The following ANK2 variants were observed in gnomAD, a reference collection of about 807,000 sequenced individuals.
ANK2 encodes the protein ankyrin-2.
A neutral mutation model predicts 360.5 loss-of-function variants in ANK2; 83 were observed. That is an observed-to-expected ratio of 0.23 (90% CI 0.19 to 0.28). The LOEUF (loss-of-function observed/expected upper bound fraction) is 0.28. Among genes scored for constraint, ANK2 ranks in the 10% least tolerant of loss-of-function variants. The probability of loss-of-function intolerance (pLI) is 1.00; values close to 1 mark genes in which losing one functional copy is unlikely to be tolerated. For missense variants in ANK2, 4,201 were observed against 4,795.7 expected, an observed-to-expected ratio of 0.88 and a Z score of 3.66; for synonymous variants, 1,740 against 1,759.5, an observed-to-expected ratio of 0.99 and a Z score of 0.28.
intron 20 of ANK2, among the ~76,000 whole-genome samples, chr4:113,290,521 C>T (rs1170046506): frequency 3.9e-5 from 6 of 151,914 alleles, no homozygotes; most frequent in African/African-American, 9.7e-5. Flanking sequence ...CAACTTGGGA[C>T]GAACCAGACC....
intron 1 of ANK2, among the ~76,000 whole-genome samples, chr4:112,886,332 C>T (rs761452717): frequency 3.9e-5 from 6 of 151,988 alleles, no homozygotes; most frequent in Non-Finnish European, 7.4e-5. Flanking sequence ...CCAAAAAGGC[C>T]GCACTCCAGA....
intron 1 of ANK2, chr4:112,882,041 A>C (rs2076832588): frequency 2.2e-6 from 1 of 457,780 alleles, no homozygotes; most frequent in Admixed American, 3.0e-5. Flanking sequence ...AGCCTTCTCC[A>C]CTGCTCAGAA....
chr4:113,244,105 C>T (rs1032027164), intron 9 of ANK2, among the ~76,000 whole-genome samples: 4 of 152,134 alleles, frequency 2.6e-5, no homozygotes, highest in African/African-American at 9.7e-5. Flanking sequence ...GAAATGGATT[C>T]TTATACTAGT....
intron 1 of ANK2, among the ~76,000 whole-genome samples, chr4:113,075,538 C>T (rs2079562248): frequency 6.6e-6 from 1 of 152,044 alleles, no homozygotes; most frequent in African/African-American, 2.4e-5. Flanking sequence ...ACACTGGTTT[C>T]GGTGGCATGT....
At chr4:113,210,298 T>C (rs1296089466) in intron 4 of ANK2, among the ~76,000 whole-genome samples, 1 of 152,074 alleles carries the variant, frequency 6.6e-6, no homozygotes, top group Non-Finnish European at 1.5e-5. Context: ...TAGAAGAGGG[T>C]TTATGTTTTA....
At chr4:113,289,071 A>G (rs955404140) in intron 20 of ANK2, among the ~76,000 whole-genome samples, 1 of 152,114 alleles carries the variant, frequency 6.6e-6, no homozygotes, top group Non-Finnish European at 1.5e-5. Flanking sequence ...TACTTCGTGC[A>G]CTCAATGTGG....
chr4:112,848,153 T>G (rs1232797076), intron 1 of ANK2, among the ~76,000 whole-genome samples: 2 of 152,032 alleles, frequency 1.3e-5, no homozygotes, highest in Non-Finnish European at 2.9e-5. Context: ...TGAGACAGAG[T>G]CTCACTCTGT....
intron 4 of ANK2, among the ~76,000 whole-genome samples, chr4:113,216,779 G>A (rs1201834369): frequency 6.6e-6 from 1 of 152,186 alleles, no homozygotes; most frequent in Non-Finnish European, 1.5e-5. Context: ...TTTTAAGTAA[G>A]AGCTTTGAGG....
chr4:113,005,185 C>T (rs181083688), intron 2 of ANK2, among the ~76,000 whole-genome samples: 11 of 151,754 alleles, frequency 7.2e-5, no homozygotes, highest in Admixed American at 2.0e-4. Flanking sequence ...GCTTGCATTT[C>T]TCAAAAACCT....
intron 1 of ANK2, among the ~76,000 whole-genome samples, chr4:112,850,660 G>A (rs2064733292): frequency 6.6e-6 from 1 of 150,768 alleles, no homozygotes; most frequent in East Asian, 2.0e-4. Context: ...GGGACTACAG[G>A]TGCCCACCAC....
chr4:113,292,838 G>A (rs1016322034), intron 21 of ANK2: 1 of 409,432 alleles, frequency 2.4e-6, no homozygotes, highest in East Asian at 5.6e-5. Flanking sequence ...GCCTTCTTAA[G>A]GGAGCACAGT....
intron 2 of ANK2, among the ~76,000 whole-genome samples, chr4:112,967,048 C>G (rs2037568108): frequency 6.6e-6 from 1 of 152,090 alleles, no homozygotes; most frequent in South Asian, 2.1e-4. Context: ...AAAATATATT[C>G]TCTATAGAGA....
At chr4:113,261,283 A>C (rs1220889605) in intron 13 of ANK2, among the ~76,000 whole-genome samples, 2 of 152,180 alleles carry the variant, frequency 1.3e-5, no homozygotes, top group Non-Finnish European at 2.9e-5. Flanking sequence ...TCCATAATCC[A>C]AAGTATTCAT....
At chr4:113,317,660 C>G in intron 24 of ANK2, 47 bp from the exon 25 acceptor site, 1 of 1,453,342 alleles carries the variant, frequency 6.9e-7, no homozygotes, top group South Asian at 1.1e-5. Flanking sequence ...CATCCCAACC[C>G]TGCTACTGCT....
intron 2 of ANK2, among the ~76,000 whole-genome samples, chr4:112,968,767 T>C (rs1323686754): frequency 6.6e-6 from 1 of 152,236 alleles, no homozygotes; most frequent in Non-Finnish European, 1.5e-5. Flanking sequence ...AGCATAGGGT[T>C]AAATCATTGA....
chr4:113,114,199 T>A (rs1581974580), intron 1 of ANK2, among the ~76,000 whole-genome samples: 1 of 151,898 alleles, frequency 6.6e-6, no homozygotes, highest in East Asian at 1.9e-4. Flanking sequence ...TTTTCCGAGG[T>A]GAGTTGATTT....
intron 15 of ANK2, among the ~76,000 whole-genome samples, chr4:113,275,338 T>C (rs569826580): frequency 1.3e-5 from 2 of 152,314 alleles, no homozygotes; most frequent in African/African-American, 4.8e-5. Context: ...TGGAGATGAC[T>C]TAGAATAAAA....
At chr4:113,325,690 A>C (rs1224542054) in intron 26 of ANK2, among the ~76,000 whole-genome samples, 4 of 152,126 alleles carry the variant, frequency 2.6e-5, no homozygotes, top group African/African-American at 9.7e-5. Flanking sequence ...TTCTCCATTT[A>C]TTTTTCAAGT....
chr4:112,716,258 A>G, the ANK2 span, among the ~76,000 whole-genome samples: 1 of 151,968 alleles, frequency 6.6e-6, no homozygotes, highest in Admixed American at 6.6e-5. Flanking sequence ...CATTATTATT[A>G]TTTTTTTCTT....
Sources: allele counts gnomAD v4.1 joint callset (sites outside exome capture counted in the v4.1 genomes callset), GRCh38; gene constraint gnomAD v4.1.1; transcripts MANE v1.5; gene names NCBI Gene and HGNC (gene_info 2026-07-23, HGNC 2026-07-21).